Variants in PLOD1 observed in about 807,000 individuals in gnomAD.
The protein encoded by PLOD1 is procollagen-lysine,2-oxoglutarate 5-dioxygenase 1.
A neutral mutation model predicts 94.7 loss-of-function variants in PLOD1; 70 were observed. That is an observed-to-expected ratio of 0.74 (90% CI 0.61 to 0.90). The LOEUF is 0.90. PLOD1 is among the 40% of genes least tolerant of loss of function. PLOD1 has a pLI of 0.00. For missense variants in PLOD1, 905 were observed against 972.7 expected, an observed-to-expected ratio of 0.93 and a Z score of 0.93; for synonymous variants, 417 against 400.2, an observed-to-expected ratio of 1.04 and a Z score of -0.50.
At position 11,965,524 on chromosome 1, in the gene PLOD1, GCTCTC is replaced by G. The variant is rs1376384986; in HGVS notation, c.1517_1521del (p.Leu506ProfsTer60). 1 of 1,613,666 alleles carries G rather than the reference GCTCTC, an allele frequency of 6.2e-7. No individual in the cohort carries two copies. Among genetic ancestry groups the G allele is most frequent in the African/African-American group, 1.3e-5 (1 of 74,908 alleles). On this transcript the variant is annotated frameshift_variant, in exon 14 of 19. Coordinates refer to ENST00000196061, the MANE Select transcript of PLOD1 (RefSeq NM_000302.4). LOFTEE classifies it high-confidence loss of function. ...CCAACCGGCACACCCTTGGCCATCT[GCTCTC>G]CCTAGACAGCTACCGCACCACCCAC...
In PLOD1 at chr1:11,970,705, G is replaced by A. The variant is rs151051718; in HGVS notation, c.1791G>A (p.Pro597=). The change falls in exon 17 of 19, where the codon CCG becomes CCA. Residue 597 remains proline (P), a synonymous_variant. Coordinates refer to ENST00000196061, the MANE Select transcript of PLOD1 (RefSeq NM_000302.4). ...TCCAGGGTGGCTACGAGAACGTGCC[G>A]ACTATTGACATCCACATGAACCAGA... ...NRIQGGYENV[P]TIDIHMNQIG... is the part of the protein sequence containing the mutation. The A allele has an allele frequency of 3.1e-5, 50 of 1,613,140 alleles. No individual in the cohort carries two copies. In the Middle Eastern group the frequency reaches 6.6e-4, roughly 21 times the overall value.
At chr1:11,965,126 G>A (rs1014670921) in intron 13 of PLOD1, among the ~76,000 whole-genome samples, 4 of 150,722 alleles carry the variant, frequency 2.7e-5, no homozygotes, top group East Asian at 1.9e-4. Context: ...CTGTCTCTGC[G>A]CCCCACCCCA....
At chr1:11,937,450 C>T (rs1325958343) in intron 1 of PLOD1, among the ~76,000 whole-genome samples, 2 of 152,156 alleles carry the variant, frequency 1.3e-5, no homozygotes, top group East Asian at 1.9e-4. Flanking sequence ...GTGATGGAAA[C>T]GCTGACCACC....
intron 1 of PLOD1, among the ~76,000 whole-genome samples, chr1:11,945,372 C>A (rs746314426): frequency 1.3e-5 from 2 of 151,806 alleles, no homozygotes; most frequent in Non-Finnish European, 2.9e-5. Context: ...GAGCCATGAG[C>A]CATGATTGTG....
Position 11,948,017 on chromosome 1 carries a change from G to T in PLOD1, c.118G>T (p.Gly40Ter), listed in dbSNP as rs556718115. The change falls in exon 2 of 19, where the codon GGA becomes TGA. Residue 40 changes from glycine (G) to a stop codon, truncating the protein, a stop_gained. Coordinates refer to ENST00000196061, the MANE Select transcript of PLOD1 (RefSeq NM_000302.4). LOFTEE classifies it high-confidence loss of function. ...VLTVATKETE[G>*]FRRFKRSAQF... is the part of the protein sequence containing the mutation. Reference sequence around the variant, plus strand: ...CACGGTGGCCACTAAGGAGACCGAGGGATTCCGTCGCTTCAAGCGCTCAGC... The same window carrying T: ...CACGGTGGCCACTAAGGAGACCGAGTGATTCCGTCGCTTCAAGCGCTCAGC... 1.2e-6 allele frequency: 2 copies of T among 1,613,936 alleles called. No homozygotes were observed.
At chr1:11,935,503 C>T (rs760189) in intron 1 of PLOD1, among the ~76,000 whole-genome samples, 40,122 of 152,084 alleles carry the variant, frequency 0.26, 6,495 homozygotes, top group African/African-American at 0.47. Flanking sequence ...TTTTATTTTA[C>T]TTAATGTATT....
At chr1:11,968,891 G>GGGTGCAGT (rs1001535954) in intron 16 of PLOD1, among the ~76,000 whole-genome samples, 25 of 150,622 alleles carry the variant, frequency 1.7e-4, no homozygotes, top group South Asian at 1.1e-3. Flanking sequence ...GCCCAGGCTG[G>GGGTGCAGT]GGTGCAGTGG....
intron 6 of PLOD1, among the ~76,000 whole-genome samples, chr1:11,955,363 G>GGTCTTCCT (rs1223223353): frequency 1.3e-5 from 2 of 152,202 alleles, no homozygotes; most frequent in Admixed American, 6.5e-5. Flanking sequence ...CTTTGCCGCA[G>GGTCTTCCT]GTCTTCCTGT....
chr1:11,949,788 G>A lies in PLOD1; in HGVS notation c.184G>A (p.Glu62Lys), dbSNP rs146092290. Reference sequence around the variant, plus strand: ...TTCTCTCCAGGCGCTTGGCCTAGGGGAGGACTGGAATGTGGAGAAGGGGAC... The same window carrying A: ...TTCTCTCCAGGCGCTTGGCCTAGGGAAGGACTGGAATGTGGAGAAGGGGAC... ...NYKIQALGLG[E>K]DWNVEKGTSA... Residue 62 changes from glutamate to lysine, a missense_variant, in exon 3 of 19, where the codon GAG (glutamate) becomes AAG (lysine). Physicochemically the swap from Glu to Lys is moderately conservative, Grantham distance 56. Transcript: ENST00000196061. 6.9e-5 allele frequency: 112 copies of A among 1,614,084 alleles called. No individual in the cohort carries two copies. The Middle Eastern group carries it at 9.9e-4, about 14-fold the overall frequency.
chr1:11,963,764 C>T lies in PLOD1; in HGVS notation c.1202+128C>T, dbSNP rs573420829. On this transcript the variant is annotated intron_variant, in intron 11 of 18. Coordinates refer to ENST00000196061, the MANE Select transcript of PLOD1 (RefSeq NM_000302.4). This position sits in a 1 kb window ranked among gnomAD's most constrained non-coding sequence, Gnocchi z 4.3. ...TCCTCCTCTTTTTCCTTCTCCTGCT[C>T]CTCTTTCTCCTCCTCGTCTTCCTCC... 7.1e-6 allele frequency: 5 copies of T among 704,618 alleles called. No homozygotes were observed. Among genetic ancestry groups the T allele is most frequent in the Non-Finnish European group, 1.3e-5 (5 of 385,086 alleles). 43.6% of individuals were successfully genotyped at this position (704,618 alleles called of 1,614,324 possible). A position where few individuals can be genotyped will look rare whatever the true frequency, so the allele number is the denominator to read the frequency against.
intron 14 of PLOD1, 60 bp from the exon 15 acceptor site, chr1:11,966,191 G>T: frequency 7.8e-7 from 1 of 1,280,686 alleles, no homozygotes; most frequent in South Asian, 1.2e-5. Context: ...GGTCTGCTCT[G>T]AGCATCCCTG....
chr1:11,946,745 T>G (rs6697996), intron 1 of PLOD1, among the ~76,000 whole-genome samples: 10,184 of 152,292 alleles, frequency 0.067, 406 homozygotes, highest in East Asian at 0.13. Flanking sequence ...ACATGCTTCA[T>G]GACATGTTGG....
intron 10 of PLOD1, among the ~76,000 whole-genome samples, chr1:11,961,353 C>G (rs1170675841): frequency 6.6e-6 from 1 of 152,192 alleles, no homozygotes; most frequent in African/African-American, 2.4e-5. Context: ...CACTGTGTTC[C>G]AGCCTGGGAA....
chr1:11,970,479 C>T (rs902453260), intron 16 of PLOD1, among the ~76,000 whole-genome samples, 191 bp from the exon 17 acceptor site: 1 of 152,086 alleles, frequency 6.6e-6, no homozygotes, highest in South Asian at 2.1e-4. Context: ...AGGTCAGGCC[C>T]CCCCAGGATA....
Position 11,965,613 on chromosome 1 carries a change from A to G in PLOD1, c.1584+20A>G, listed in dbSNP as rs769405919. 1 of 1,476,238 alleles carries G rather than the reference A, an allele frequency of 6.8e-7. No homozygotes were observed. Among genetic ancestry groups the G allele is most frequent in the African/African-American group, 1.4e-5 (1 of 72,378 alleles). 91.4% of individuals were successfully genotyped at this position (1,476,238 alleles called of 1,614,324 possible). On this transcript the variant is annotated intron_variant, in intron 14 of 18. Coordinates refer to ENST00000196061, the MANE Select transcript of PLOD1 (RefSeq NM_000302.4). ...CCCGAGGTGAGGCCAGGGTGGGCAC[A>G]TAGGGGCTGGGAGCAAAGGGGCCCA...
chr1:11,970,401 C>T (rs1216999482), intron 16 of PLOD1, among the ~76,000 whole-genome samples: 1 of 152,202 alleles, frequency 6.6e-6, no homozygotes, highest in Non-Finnish European at 1.5e-5. Flanking sequence ...CCACTGCGCT[C>T]TTACCTGTGC....
chr1:11,939,966 G>A (rs895260313), intron 1 of PLOD1, among the ~76,000 whole-genome samples: 2 of 152,076 alleles, frequency 1.3e-5, no homozygotes, highest in Admixed American at 1.3e-4. Flanking sequence ...GTCTCACTGT[G>A]TTGCCCCGGC....
intron 1 of PLOD1, among the ~76,000 whole-genome samples, chr1:11,935,894 A>G (rs549325646): frequency 1.5e-3 from 233 of 150,852 alleles, no homozygotes; most frequent in Non-Finnish European, 2.7e-3. Context: ...AAATGTTTGG[A>G]TTACAGGCGT....
At chr1:11,944,715 C>T in intron 1 of PLOD1, 1 of 1,225,036 alleles carries the variant, frequency 8.2e-7, no homozygotes, top group Non-Finnish European at 1.1e-6. Flanking sequence ...CCCCTCCTCC[C>T]CCAGCACCGC....
Sources: allele counts gnomAD v4.1 joint callset (sites outside exome capture counted in the v4.1 genomes callset), GRCh38; gene constraint gnomAD v4.1.1; non-coding constraint Gnocchi (gnomAD v3.1); transcripts MANE v1.5; gene names NCBI Gene and HGNC (gene_info 2026-07-23, HGNC 2026-07-21).